The following RBFOX1 variants were observed in gnomAD, a reference collection of about 807,000 sequenced individuals.
RBFOX1 encodes the protein RNA binding protein fox-1 homolog 1.
RBFOX1 carries 8 observed loss-of-function variants against 57.7 expected under a neutral mutation model. The observed-to-expected ratio is 0.14, with a 90% CI of 0.08 to 0.25. RBFOX1 has a LOEUF of 0.25. RBFOX1 is among the 10% of genes least tolerant of loss of function. The probability of loss-of-function intolerance (pLI) is 1.00; values close to 1 mark genes in which losing one functional copy is unlikely to be tolerated. For missense variants in RBFOX1, 611 were observed against 548.5 expected (o/e 1.11, Z -1.14); for synonymous variants, 326 against 222.4 (o/e 1.47, Z -4.15).
rs956232843 is a variant in RBFOX1, at chr16:6,019,823, A to G, written c.-296A>G. The G allele has an allele frequency of 1.6e-5, 24 of 1,504,776 alleles. No individual in the cohort carries two copies. The African/African-American group carries it at 2.7e-4, about 17-fold the overall frequency. 93.2% of individuals were successfully genotyped at this position (1,504,776 alleles called of 1,614,324 possible). A position where few individuals can be genotyped will look rare whatever the true frequency, so the allele number is the denominator to read the frequency against. On this transcript the variant is annotated 5_prime_UTR_variant, in exon 1 of 16. Transcript: ENST00000550418. This position sits in a 1 kb window ranked among gnomAD's most constrained non-coding sequence, Gnocchi z 4.2. ...CTCGCCGCGCCCAGGCAGGCGCGCC[A>G]GGGCGGGGCTGACCTGCCCGCGAAG... is the stretch of plus-strand genomic sequence containing the variant.
At chr16:6,595,664 C>T (rs56657015) in intron 2 of RBFOX1, among the ~76,000 whole-genome samples, 8,431 of 152,208 alleles carry the variant, frequency 0.055, 746 homozygotes, top group African/African-American at 0.19. Context: ...CCCCATTTTA[C>T]ATTCCCACCA....
At chr16:6,734,324 G>C (rs2069489076) in intron 3 of RBFOX1, among the ~76,000 whole-genome samples, 1 of 152,172 alleles carries the variant, frequency 6.6e-6, no homozygotes, top group African/African-American at 2.4e-5. Flanking sequence ...AAGGCAAAAA[G>C]ACTATCCTCT....
chr16:5,779,261 A>G (rs547971518), intron 3 of RBFOX1, among the ~76,000 whole-genome samples: 1 of 152,258 alleles, frequency 6.6e-6, no homozygotes, highest in East Asian at 1.9e-4. Context: ...TGTCCCTCTA[A>G]ACAGCTGAAT....
At chr16:7,237,059 A>G (rs538388246) in intron 4 of RBFOX1, among the ~76,000 whole-genome samples, 24 of 152,318 alleles carry the variant, frequency 1.6e-4, no homozygotes, top group African/African-American at 4.3e-4. Flanking sequence ...GGAATTCAGG[A>G]GAGGTAGAGA....
chr16:5,683,681 C>T (rs1009749010), intron 3 of RBFOX1, among the ~76,000 whole-genome samples: 20 of 151,758 alleles, frequency 1.3e-4, no homozygotes, highest in Admixed American at 9.2e-4. Context: ...AGCTTACACA[C>T]GGCCTATTGT....
At position 7,274,646 on chromosome 16, in the gene RBFOX1, T is replaced by C. The variant is rs544267574; in HGVS notation, c.27+222548T>C. Among the ~76,000 whole-genome samples, 22 of 152,050 alleles carry C rather than the reference T, an allele frequency of 1.4e-4. No homozygotes were observed. The South Asian group carries it at 4.6e-3, about 32-fold the overall frequency. ...GGTCATTAGTTTTTATTTATTTATT[T>C]ATTTATTTATTTGAGATAGAGCATT... On this transcript the variant is annotated intron_variant, in intron 4 of 15. Transcript: ENST00000550418.
intron 3 of RBFOX1, among the ~76,000 whole-genome samples, chr16:5,673,515 C>T (rs1332242266): frequency 2.6e-5 from 4 of 152,206 alleles, no homozygotes; most frequent in Admixed American, 1.3e-4. Context: ...AGCAGGGTCT[C>T]GCTTGGCACC....
intron 2 of RBFOX1, among the ~76,000 whole-genome samples, chr16:6,621,419 G>T (rs966077350): frequency 6.6e-6 from 1 of 152,182 alleles, no homozygotes; most frequent in African/African-American, 2.4e-5. Flanking sequence ...AACCAAGATT[G>T]CGCCACTGCG....
At chr16:7,596,892 G>A (rs1203819366) in intron 8 of RBFOX1, among the ~76,000 whole-genome samples, 1 of 152,188 alleles carries the variant, frequency 6.6e-6, no homozygotes, top group Non-Finnish European at 1.5e-5. Context: ...TTGCTTTCCT[G>A]ATGGTTCTTT....
At chr16:7,195,426 G>A (rs28556853) in intron 4 of RBFOX1, among the ~76,000 whole-genome samples, 15,383 of 152,224 alleles carry the variant, frequency 0.1, 856 homozygotes, top group African/African-American at 0.11. Flanking sequence ...ATTATTACAC[G>A]ACCTGGGCAG....
At chr16:5,597,861 G>A (rs1290187107) in intron 2 of RBFOX1, among the ~76,000 whole-genome samples, 1 of 152,154 alleles carries the variant, frequency 6.6e-6, no homozygotes. Context: ...TCAAGCTGAG[G>A]CTCCACTGCA....
At chr16:7,273,082 C>G (rs1408769297) in intron 4 of RBFOX1, among the ~76,000 whole-genome samples, 1 of 118,536 alleles carries the variant, frequency 8.4e-6, no homozygotes, top group East Asian at 3.0e-4. Flanking sequence ...TTCCATCCTT[C>G]CGCTCTCCCT....
chr16:7,479,204 A>G (rs1365135239), intron 4 of RBFOX1, among the ~76,000 whole-genome samples: 1 of 150,092 alleles, frequency 6.7e-6, no homozygotes, highest in African/African-American at 2.5e-5. Flanking sequence ...GCTCAGTGCA[A>G]CTTCTGCCTC....
At chr16:6,505,987 A>G (rs2096077640) in intron 2 of RBFOX1, among the ~76,000 whole-genome samples, 1 of 152,182 alleles carries the variant, frequency 6.6e-6, no homozygotes, top group African/African-American at 2.4e-5. Flanking sequence ...TCATCACAAT[A>G]GCAAACCTCT....
intron 1 of RBFOX1, among the ~76,000 whole-genome samples, chr16:6,176,692 A>ATTTTTTTT (rs71142687): frequency 1.3e-5 from 2 of 148,838 alleles, no homozygotes. Context: ...TTCTTAGGTC[A>ATTTTTTTT]TTTTTTTTTT....
intron 3 of RBFOX1, among the ~76,000 whole-genome samples, chr16:5,707,508 C>G (rs181421074): frequency 8.1e-4 from 124 of 152,264 alleles, no homozygotes; most frequent in African/African-American, 2.8e-3. Flanking sequence ...TAGCTAACAC[C>G]TATGTCTGCC....
At chr16:6,742,084 A>G (rs1159108448) in intron 3 of RBFOX1, among the ~76,000 whole-genome samples, 2 of 152,188 alleles carry the variant, frequency 1.3e-5, no homozygotes, top group African/African-American at 2.4e-5. Flanking sequence ...TCAAAACATC[A>G]TGTTGTACGT....
chr16:5,519,026 G>A (rs2043908192), intron 2 of RBFOX1, among the ~76,000 whole-genome samples: 1 of 152,170 alleles, frequency 6.6e-6, no homozygotes, highest in South Asian at 2.1e-4. Flanking sequence ...ATGAGAACAC[G>A]AATGTACAGA....
intron 4 of RBFOX1, among the ~76,000 whole-genome samples, chr16:7,377,228 A>T (rs1035770569): frequency 6.6e-6 from 1 of 152,192 alleles, no homozygotes; most frequent in African/African-American, 2.4e-5. Flanking sequence ...TTTGCTTGAC[A>T]GGAAGTGCTC....
Sources: gnomAD v4.1 joint callset for allele counts (sites outside exome capture counted in the v4.1 genomes callset) on GRCh38, gnomAD v4.1.1 for gene constraint, Gnocchi (gnomAD v3.1) non-coding constraint, MANE v1.5 for transcripts, NCBI Gene and HGNC (gene_info 2026-07-23, HGNC 2026-07-21) for gene names.